PCDH15: variants seen among roughly 807,000 people sequenced by gnomAD.
PCDH15 encodes the protein protocadherin related 15, also known as protocadherin-15.
Under a neutral mutation model 178.5 loss-of-function variants are expected in PCDH15, and 129 were observed. The ratio of observed to expected loss-of-function variants is 0.72; its 90% CI spans 0.63 to 0.84. PCDH15 has a LOEUF of 0.84. PCDH15 is among the 40% of genes least tolerant of loss of function. PCDH15 has a pLI of 0.00. For missense variants in PCDH15, 2,230 were observed against 2,099.9 expected, an observed-to-expected ratio of 1.06 and a Z score of -1.21; for synonymous variants, 800 against 732.0, an observed-to-expected ratio of 1.09 and a Z score of -1.50.
In PCDH15 at chr10:54,393,858, A is replaced by G. The variant is rs191149090; in HGVS notation, c.158-14916T>C. ...TACAACCCTATAGCTAATAATGCAC[A>G]TGTCATTTCCATTTCTAGGTTGACT... On this transcript the variant is annotated intron_variant, in intron 3 of 37. Transcript: ENST00000644397. Among the ~76,000 whole-genome samples, 228 of 152,262 alleles carry G rather than the reference A, an allele frequency of 1.5e-3. 1 individual carries two copies. The highest frequency in any genetic ancestry group is 5.3e-3 in the African/African-American group (221 of 41,564).
In PCDH15 at chr10:54,104,940, A is replaced by G. The variant is rs114613405; in HGVS notation, c.1918-14877T>C. 4.3e-3 allele frequency among the ~76,000 whole-genome samples: 654 copies of G among 151,700 alleles called. 4 individuals carry two copies. The highest frequency in any genetic ancestry group is 0.014 in the African/African-American group (570 of 41,386). On this transcript the variant is annotated intron_variant, in intron 15 of 37. Transcript: ENST00000644397. Reference sequence around the variant, plus strand: ...CTTAGGAGCAACCAACCAACTTCATAGTCAAAGGTATTATGTATAGAGTCA... The same window carrying G: ...CTTAGGAGCAACCAACCAACTTCATGGTCAAAGGTATTATGTATAGAGTCA...
chr10:54,523,654 C>G (rs1025154690), intron 3 of PCDH15, among the ~76,000 whole-genome samples: 3 of 151,982 alleles, frequency 2.0e-5, no homozygotes, highest in African/African-American at 7.3e-5. Context: ...TATTTTAAGT[C>G]CAAAATATTT....
At chr10:55,562,316 T>C (rs943533343) in intron 2 of PCDH15, among the ~76,000 whole-genome samples, 7 of 151,986 alleles carry the variant, frequency 4.6e-5, no homozygotes, top group African/African-American at 1.7e-4. Flanking sequence ...TATACAGTTA[T>C]TATAAGGATG....
At chr10:54,131,020 T>G (rs1221396085) in intron 15 of PCDH15, among the ~76,000 whole-genome samples, 1 of 152,202 alleles carries the variant, frequency 6.6e-6, no homozygotes, top group Non-Finnish European at 1.5e-5. Flanking sequence ...ATCCTTTCTT[T>G]TCCTTCTACC....
intron 1 of PCDH15, among the ~76,000 whole-genome samples, chr10:54,681,866 C>T (rs2094906844): frequency 1.3e-5 from 2 of 152,090 alleles, no homozygotes; most frequent in South Asian, 4.1e-4. Flanking sequence ...AGAATGGACA[C>T]ACCTGCACAG....
chr10:54,514,667 CAA>C (rs5785078), intron 3 of PCDH15, among the ~76,000 whole-genome samples: 13,220 of 124,372 alleles, frequency 0.11, 816 homozygotes, highest in East Asian at 0.34. Flanking sequence ...AAATAGACTT[CAA>C]AAAAAAAAAA....
intron 26 of PCDH15, among the ~76,000 whole-genome samples, chr10:53,890,440 A>G (rs897150290): frequency 6.6e-6 from 1 of 152,084 alleles, no homozygotes; most frequent in Non-Finnish European, 1.5e-5. Flanking sequence ...AAAAAGAACA[A>G]AAAAATTCTT....
At chr10:54,643,535 C>G (rs537996316) in intron 2 of PCDH15, among the ~76,000 whole-genome samples, 1 of 151,936 alleles carries the variant, frequency 6.6e-6, no homozygotes, top group Non-Finnish European at 1.5e-5. Flanking sequence ...GATATTTTCC[C>G]AGGATAGATT....
At chr10:55,341,793 ATATATATATATATTTTTTTTT>A (rs1428842359) in intron 2 of PCDH15, among the ~76,000 whole-genome samples, 7 of 12,898 alleles carry the variant, frequency 5.4e-4, no homozygotes, top group Admixed American at 1.9e-3. Flanking sequence ...ATATATATAT[ATATATATATATATTTTTTTTT>A]TTTTTTTTTT....
rs1269588727 is a variant in PCDH15 at position 53,806,689 on chromosome 10, T to C, written c.5113A>G (p.Lys1705Glu). 20 of 1,613,822 alleles carry C rather than the reference T, an allele frequency of 1.2e-5. No homozygotes were observed. Among genetic ancestry groups the C allele is most frequent in the South Asian group, 3.3e-5 (3 of 91,088 alleles). Residue 1705 changes from lysine to glutamate, a missense_variant, in exon 38 of 38, where the codon AAG becomes GAG. Coordinates refer to ENST00000644397, the MANE Select transcript of PCDH15 (RefSeq NM_001384140.1). ...TVEQESMIDS[K>E]NIKEALEFHS... Reference sequence around the variant, plus strand: ...AATTCCAAAGCCTCCTTGATGTTCTTACTGTCAATCATGGACTCCTGTTCA... The same window carrying C: ...AATTCCAAAGCCTCCTTGATGTTCTCACTGTCAATCATGGACTCCTGTTCA...
At chr10:54,008,102 A>T (rs2092445645) in intron 20 of PCDH15, among the ~76,000 whole-genome samples, 1 of 152,212 alleles carries the variant, frequency 6.6e-6, no homozygotes, top group South Asian at 2.1e-4. Context: ...GAGGAAAGCA[A>T]GTGTCAGTCT....
intron 2 of PCDH15, among the ~76,000 whole-genome samples, chr10:55,442,705 A>G (rs1299252745): frequency 6.6e-6 from 1 of 151,648 alleles, no homozygotes. Flanking sequence ...TGTAGATGCA[A>G]AACTGCAAAT....
chr10:54,213,960 G>C lies in PCDH15; in HGVS notation c.1074C>G (p.His358Gln), dbSNP rs2134107295. The C allele has an allele frequency of 1.2e-6, 2 of 1,602,698 alleles. No homozygotes were observed. The highest frequency in any genetic ancestry group is 1.7e-6 in the Non-Finnish European group (2 of 1,169,994). The change falls in exon 10 of 38, where the codon CAC becomes CAG. Residue 358 changes from histidine (H) to glutamine (Q), a missense_variant. Transcript: ENST00000644397. The stretch of plus-strand genomic sequence containing the variant: ...CCTTAATAACCAAATCAAATTTCTG[G>C]TGAAAGTCTCTGTTTACTGGCTCCA... ...SLLEPVNRDF[H>Q]QKFDLVIKAE...
chr10:55,412,085 G>T (rs1221144946), intron 2 of PCDH15, among the ~76,000 whole-genome samples: 2 of 151,908 alleles, frequency 1.3e-5, no homozygotes, highest in Non-Finnish European at 2.9e-5. Flanking sequence ...GATCAGAGGG[G>T]CAAATGTGAA....
intron 1 of PCDH15, among the ~76,000 whole-genome samples, chr10:55,266,569 C>T (rs1314869045): frequency 6.6e-6 from 1 of 152,114 alleles, no homozygotes; most frequent in African/African-American, 2.4e-5. Context: ...ACCTGGCTTG[C>T]CACACCCCAT....
intron 20 of PCDH15, among the ~76,000 whole-genome samples, chr10:54,005,911 G>A (rs1167536743): frequency 6.6e-6 from 1 of 152,096 alleles, no homozygotes; most frequent in Non-Finnish European, 1.5e-5. Flanking sequence ...CAACCTAAGT[G>A]TCCATCAACA....
rs2076776203 is a variant in PCDH15 at position 54,455,742 on chromosome 10, C to G, written c.157+72070G>C. Among the ~76,000 whole-genome samples the G allele has an allele frequency of 2.6e-5, 4 of 152,126 alleles. No homozygotes were observed. The South Asian group carries it at 8.3e-4, about 31-fold the overall frequency. ...GACATGTCAGAGAACTTCACAATAGCCCCTCCCATCACAGGCCTGAAGCCC... is the reference window on the plus strand; with the variant it reads ...GACATGTCAGAGAACTTCACAATAGGCCCTCCCATCACAGGCCTGAAGCCC... On this transcript the variant is annotated intron_variant, in intron 3 of 37. Transcript: ENST00000644397.
chr10:54,849,455 A>G (rs1186170985), intron 3 of PCDH15, among the ~76,000 whole-genome samples: 1 of 152,144 alleles, frequency 6.6e-6, no homozygotes, highest in African/African-American at 2.4e-5. Context: ...GCCATTTTTC[A>G]TAACCCATGC....
At chr10:54,918,535 C>G (rs1411667418) in intron 2 of PCDH15, among the ~76,000 whole-genome samples, 1 of 152,118 alleles carries the variant, frequency 6.6e-6, no homozygotes, top group Non-Finnish European at 1.5e-5. Context: ...CTTTGTGAAA[C>G]ACATGGCTAA....
Sources: allele counts gnomAD v4.1 joint callset (sites outside exome capture counted in the v4.1 genomes callset), GRCh38; gene constraint gnomAD v4.1.1; transcripts MANE v1.5; gene names NCBI Gene and HGNC (gene_info 2026-07-23, HGNC 2026-07-21).